TXNL4A: variants seen among roughly 807,000 people sequenced by gnomAD.
The protein encoded by TXNL4A is thioredoxin-like protein 4A.
TXNL4A carries 17 observed loss-of-function variants against 14.6 expected under a neutral mutation model. The ratio of observed to expected loss-of-function variants is 1.16; its 90% confidence interval spans 0.80 to 1.74. TXNL4A has a LOEUF of 1.74. Among genes scored for constraint, TXNL4A ranks in the 40% most tolerant of loss-of-function variants. The pLI, the probability that TXNL4A is intolerant of heterozygous loss-of-function variation, is 0.00. For synonymous variants in TXNL4A, 83 were observed against 70.6 expected, an observed-to-expected ratio of 1.18 and a Z score of -0.88; for missense variants, 74 against 195.2, an observed-to-expected ratio of 0.38 and a Z score of 3.70.
intron 1 of TXNL4A, among the ~76,000 whole-genome samples, chr18:80,029,823 T>C (rs1363088562): frequency 6.6e-6 from 1 of 152,052 alleles, no homozygotes; most frequent in Non-Finnish European, 1.5e-5. Context: ...TCAACCCAAC[T>C]TTTCTCAAGG....
At chr18:79,988,167 G>C (rs777016793) in intron 1 of TXNL4A, 73 bp downstream of exon 1, 1 of 1,341,890 alleles carries the variant, frequency 7.5e-7, no homozygotes, top group Non-Finnish European at 9.7e-7. Flanking sequence ...GCCCCCAGGC[G>C]ACGCCGGCAG....
chr18:80,021,826 A>T (rs2051851072), intron 1 of TXNL4A, among the ~76,000 whole-genome samples: 1 of 152,080 alleles, frequency 6.6e-6, no homozygotes, highest in Non-Finnish European at 1.5e-5. Flanking sequence ...GTTACGGAAG[A>T]AGGTGGAATT....
upstream of TXNL4A, among the ~76,000 whole-genome samples, chr18:79,990,860 T>A (rs2051622603): frequency 6.6e-6 from 1 of 150,996 alleles, no homozygotes. Context: ...ATCCCAGCAC[T>A]TTGGGAGGCC....
intron 1 of TXNL4A, among the ~76,000 whole-genome samples, chr18:80,016,219 T>C (rs1185310694): frequency 6.6e-6 from 1 of 152,188 alleles, no homozygotes; most frequent in African/African-American, 2.4e-5. Flanking sequence ...GTTTGTTTTT[T>C]TCTTGTAAAT....
In TXNL4A at chr18:80,024,586, C is replaced by T. The variant is rs187159480; in HGVS notation, c.-61+9265G>A. Among the ~76,000 whole-genome samples, 117 of 152,296 alleles carry T rather than the reference C, an allele frequency of 7.7e-4. 1 individual carries two copies. The highest frequency in any genetic ancestry group is 3.3e-3 in the Admixed American group (51 of 15,306). ...TCTTCCATGCTGGAGAAATAGAGCA[C>T]CTTGCTTCCCTCAGCCTTCCGGGGC... On this transcript the variant is annotated intron_variant, in intron 1 of 2. Transcript: ENST00000585474.
intron 1 of TXNL4A, among the ~76,000 whole-genome samples, chr18:79,983,851 T>C (rs1303038721): frequency 6.6e-6 from 1 of 152,208 alleles, no homozygotes; most frequent in African/African-American, 2.4e-5. Flanking sequence ...TATGCCCTTT[T>C]TACAGGTAAG....
At chr18:79,978,968 C>T (rs571413402) in intron 1 of TXNL4A, among the ~76,000 whole-genome samples, 166 of 148,226 alleles carry the variant, frequency 1.1e-3, no homozygotes, top group African/African-American at 4.0e-3. Flanking sequence ...GACGGAGTCT[C>T]GATCTGTCGC....
Position 79,972,328 on chromosome 18 carries a change from A to C in TXNL4A, c.*1357T>G, listed in dbSNP as rs2051311036. 6.6e-6 allele frequency: 1 copy of C among 152,360 alleles called. No individual in the cohort carries two copies. Among genetic ancestry groups the C allele is most frequent in the Non-Finnish European group, 1.5e-5 (1 of 68,144 alleles). The allele number at this position is 152,360 out of a possible 1,614,324, so 9.4% of individuals were successfully genotyped here. ...AGGTCAGAGGGCCCACGGTGTGCTC[A>C]AGTGCCCCCATCCCTGCCCTTCCTC... On this transcript the variant is annotated 3_prime_UTR_variant, in exon 3 of 3. Coordinates refer to ENST00000269601, the MANE Select transcript of TXNL4A (RefSeq NM_006701.5).
intron 1 of TXNL4A, among the ~76,000 whole-genome samples, chr18:80,008,455 T>A (rs2051747181): frequency 6.6e-6 from 1 of 152,108 alleles, no homozygotes; most frequent in African/African-American, 2.4e-5. Flanking sequence ...CCTTTTGTCA[T>A]CTTTTCTTCC....
intron 1 of TXNL4A, among the ~76,000 whole-genome samples, chr18:80,004,596 C>G (rs1012088185): frequency 6.6e-6 from 1 of 152,168 alleles, no homozygotes; most frequent in African/African-American, 2.4e-5. Flanking sequence ...AGTGCCAGGC[C>G]CTCGGCTTCG....
intron 1 of TXNL4A, among the ~76,000 whole-genome samples, chr18:80,002,687 G>A (rs982276289): frequency 4.6e-5 from 7 of 152,094 alleles, no homozygotes; most frequent in Admixed American, 6.5e-5. Flanking sequence ...GGAAATCTCC[G>A]CCTTTTCCCT....
intron 1 of TXNL4A, among the ~76,000 whole-genome samples, chr18:79,998,267 T>A (rs1404790971): frequency 6.6e-6 from 1 of 150,658 alleles, no homozygotes; most frequent in Non-Finnish European, 1.5e-5. Flanking sequence ...CACTCCAGAC[T>A]GAACGACAGA....
chr18:80,018,712 C>T lies in TXNL4A; in HGVS notation c.-61+15139G>A, dbSNP rs527793707. Among the ~76,000 whole-genome samples the T allele has an allele frequency of 1.4e-3, 215 of 152,240 alleles. 1 individual carries two copies. The highest frequency in any genetic ancestry group is 4.8e-3 in the African/African-American group (200 of 41,566). ...TCAGAGAATACTACAAACACCTCTA[C>T]GCAAATAAACTAGAAAATCTAGAAG... On this transcript the variant is annotated intron_variant, in intron 1 of 2. Coordinates refer to the TXNL4A transcript ENST00000585474.
At chr18:80,022,787 T>C (rs751299523) in intron 1 of TXNL4A, among the ~76,000 whole-genome samples, 3 of 152,210 alleles carry the variant, frequency 2.0e-5, no homozygotes, top group Admixed American at 6.5e-5. Flanking sequence ...TTTCCTTCTC[T>C]TCTCTGGGTC....
chr18:79,976,537 C>T (rs537091907), intron 2 of TXNL4A, among the ~76,000 whole-genome samples: 1 of 152,164 alleles, frequency 6.6e-6, no homozygotes, highest in Admixed American at 6.5e-5. Context: ...AAGCACCCAG[C>T]CCATGGTTCA....
intron 2 of TXNL4A, among the ~76,000 whole-genome samples, chr18:79,975,314 T>C (rs1056168599): frequency 2.0e-5 from 3 of 152,212 alleles, no homozygotes; most frequent in Admixed American, 1.3e-4. Flanking sequence ...GCTCAAGATA[T>C]ATGTTTGGTG....
At chr18:79,981,475 C>A (rs1465867188) in intron 1 of TXNL4A, among the ~76,000 whole-genome samples, 4 of 151,962 alleles carry the variant, frequency 2.6e-5, no homozygotes, top group Non-Finnish European at 5.9e-5. Context: ...AGTTCGAGAC[C>A]AACCTGGCCA....
chr18:80,015,318 TTC>T (rs2051800182), intron 1 of TXNL4A, among the ~76,000 whole-genome samples: 1 of 151,586 alleles, frequency 6.6e-6, no homozygotes, highest in Non-Finnish European at 1.5e-5. Flanking sequence ...AACTTTTATG[TTC>T]TGTTTCCCTT....
intron 1 of TXNL4A, among the ~76,000 whole-genome samples, chr18:80,019,678 C>G (rs2051835617): frequency 6.6e-6 from 1 of 152,172 alleles, no homozygotes; most frequent in South Asian, 2.1e-4. Context: ...ACCCTTGTTC[C>G]TTCTTAGTCT....
Sources: allele counts gnomAD v4.1 joint callset (sites outside exome capture counted in the v4.1 genomes callset), GRCh38; gene constraint gnomAD v4.1.1; transcripts MANE v1.5; gene names NCBI Gene and HGNC (gene_info 2026-07-23, HGNC 2026-07-21).